Variants in MED12 observed in about 807,000 individuals in gnomAD.
MED12 encodes the protein mediator of RNA polymerase II transcription subunit 12.
Under a neutral mutation model 177.7 loss-of-function variants are expected in MED12, and 10 were observed. That is an observed-to-expected ratio of 0.06 (90% confidence interval 0.03 to 0.10). MED12 has a LOEUF of 0.10. MED12 is among the 10% of genes least tolerant of loss of function. The pLI, the probability that MED12 is intolerant of heterozygous loss-of-function variation, is 1.00. For synonymous variants in MED12, 641 were observed against 678.4 expected, an observed-to-expected ratio of 0.94 and a Z score of 0.86; for missense variants, 867 against 1,780.8, an observed-to-expected ratio of 0.49 and a Z score of 9.23.
intron 28 of MED12, 108 bp downstream of exon 28, chrX:71,130,322 A>G: frequency 1.2e-6 from 1 of 841,679 alleles, no homozygotes. Flanking sequence ...GAGGAAGACA[A>G]ACAAGGATAT....
intron 28 of MED12, among the ~76,000 whole-genome samples, chrX:71,130,864 G>C (rs746269973): frequency 8.9e-6 from 1 of 112,625 alleles, no homozygotes; most frequent in East Asian, 2.8e-4. Flanking sequence ...AGAAGAGATA[G>C]TGTTGAAGAG....
rs1434307707 is a variant in MED12 at position 71,136,885 on chromosome X, G to A, written c.5407G>A (p.Gly1803Arg). The A allele has an allele frequency of 8.3e-7, 1 of 1,209,214 alleles. No homozygotes were observed. ...SQPATKTEDYGMGPGRSGPYG... is the reference protein window; with the variant it reads ...SQPATKTEDYRMGPGRSGPYG... ...TCCTCTGCCACTCACACAGGACTAT[G>A]GAATGGGCCCGGGTCGGAGCGGCCC... The change falls in exon 38 of 45, where the codon GGA becomes AGA. Residue 1803 changes from glycine (G) to arginine (R), a missense_variant. Gly to Arg is a moderately radical substitution (Grantham distance 125, BLOSUM62 -2). Transcript: ENST00000374080.
chrX:71,125,014 T>C lies in MED12; in HGVS notation c.2094T>C (p.Ser698=), dbSNP rs749577436. 3.3e-6 allele frequency: 4 copies of C among 1,210,590 alleles called. No homozygotes were observed. The highest frequency in any genetic ancestry group is 3.4e-6 in the Non-Finnish European group (3 of 894,897). Residue 698 remains serine (S), a synonymous_variant, in exon 15 of 45, where the codon AGT becomes AGC. Transcript: ENST00000374080. ...CTATGCCCTGTGAGGGGAAGGGCAG[T>C]CCATCCCCTGAGAAGCCAGATGTCG... ...SPTMPCEGKG[S]PSPEKPDVEK...
chrX:71,134,691 T>C, intron 34 of MED12, 22 bp from the exon 35 acceptor site: 1 of 1,210,831 alleles, frequency 8.3e-7, no homozygotes, highest in Non-Finnish European at 1.1e-6. Flanking sequence ...TCTTTGGTTT[T>C]CTCTCTGGCT....
Position 71,123,652 on chromosome X carries a change from C to G in MED12, c.1676C>G (p.Ser559Cys). The G allele has an allele frequency of 8.3e-7, 1 of 1,209,677 alleles. No individual in the cohort carries two copies. Among genetic ancestry groups the G allele is most frequent in the Non-Finnish European group, 1.1e-6 (1 of 894,030 alleles). The change falls in exon 12 of 45, where the codon TCT becomes TGT. Residue 559 changes from serine (S) to cysteine (C), a missense_variant. Physicochemically the swap from Ser to Cys is moderately radical, Grantham distance 112. This residue lies in a region of MED12 where 309 missense variants were observed against 556.3 expected (regional missense o/e 0.56). Coordinates refer to ENST00000374080, the MANE Select transcript of MED12 (RefSeq NM_005120.3). ...GGTTCCATCGCCTCTGGCTCCCTTT[C>G]TGCTCCCAGTGCTCCCATTTTCCAG... ...EKGSIASGSL[S>C]APSAPIFQDV...
intron 30 of MED12, 39 bp downstream of exon 30, chrX:71,132,245 T>C: frequency 8.4e-7 from 1 of 1,196,138 alleles, no homozygotes; most frequent in Non-Finnish European, 1.1e-6. Context: ...CCCTTAGGAG[T>C]TTATCTGCTG....
At position 71,125,654 on chromosome X, in the gene MED12, C is replaced by T. The variant is rs758698633; in HGVS notation, c.2372-9C>T. On this transcript the variant is annotated splice_polypyrimidine_tract_variant and intron_variant, in intron 16 of 44. Coordinates refer to ENST00000374080, the MANE Select transcript of MED12 (RefSeq NM_005120.3). ...TTGAAACTTCCCCCCTCATTCCCCC[C>T]CTCTACAGACCAGCTTGCTCCTATT... The T allele has an allele frequency of 2.2e-5, 19 of 855,803 alleles. No individual in the cohort carries two copies. In the South Asian group the frequency reaches 2.8e-4, roughly 13 times the overall value. The allele number at this position is 855,803 out of a possible 1,213,427, so 70.5% of individuals were successfully genotyped here.
rs368144948 is a variant in MED12 at position 71,130,043 on chromosome X, A to T, written c.3876A>T (p.Val1292=). The stretch of plus-strand genomic sequence containing the variant: ...ATTGTCAGCTTCCTCAGGAATGGGT[A>T]GGAGAACGTTGCCTTAAGTCTCTGT... The part of the protein sequence containing the change: ...VLRSICQQEW[V]GERCLKSLCE... The change falls in exon 28 of 45, where the codon GTA becomes GTT. Residue 1292 remains valine, a synonymous_variant. Coordinates refer to ENST00000374080, the MANE Select transcript of MED12 (RefSeq NM_005120.3). The T allele has an allele frequency of 8.3e-7, 1 of 1,208,250 alleles. No homozygotes were observed. The highest frequency in any genetic ancestry group is 1.1e-6 in the Non-Finnish European group (1 of 893,785).
Position 71,132,775 on chromosome X carries a change from CT to C in MED12, c.4416-68del, listed in dbSNP as rs2092321337. 131 of 253,788 alleles carry C rather than the reference CT, an allele frequency of 5.2e-4. No homozygotes were observed. The African/African-American group carries it at 6.2e-3, about 12-fold the overall frequency. 20.9% of individuals were successfully genotyped at this position (253,788 alleles called of 1,213,427 possible). A position where few individuals can be genotyped will look rare whatever the true frequency, so the allele number is the denominator to read the frequency against. ...CTCCTCTCCTCTTCTCTCCTCTTCT[CT>C]TCTCTTCTCTTCTCTTCTCTTCTCT... On this transcript the variant is annotated intron_variant, in intron 31 of 44. Transcript: ENST00000374080.
intron 36 of MED12, among the ~76,000 whole-genome samples, chrX:71,136,023 C>T (rs553859804): frequency 9.2e-6 from 1 of 108,752 alleles, no homozygotes; most frequent in South Asian, 4.1e-4. Context: ...ACACGCCCCC[C>T]GCCCCGTTAG....
chrX:71,142,308 G>A lies in MED12; in HGVS notation c.*90G>A. The A allele has an allele frequency of 5.3e-6, 5 of 946,898 alleles. No homozygotes were observed. Among genetic ancestry groups the A allele is most frequent in the South Asian group, 2.0e-5 (1 of 50,567 alleles). 78.0% of individuals were successfully genotyped at this position (946,898 alleles called of 1,213,427 possible). ...CATTCCTGGGCTAGCACCAGTAGTG[G>A]TTGGGGCCCTCCCCTCAGGCTCCAT... On this transcript the variant is annotated 3_prime_UTR_variant, in exon 45 of 45. Coordinates refer to ENST00000374080, the MANE Select transcript of MED12 (RefSeq NM_005120.3).
intron 12 of MED12, 37 bp downstream of exon 12, chrX:71,123,757 A>C: frequency 2.6e-6 from 3 of 1,158,682 alleles, no homozygotes; most frequent in Non-Finnish European, 3.5e-6. Context: ...ACCTCTGCCT[A>C]GACTCAGTTA....
chrX:71,118,823 T>A lies in MED12; in HGVS notation c.69T>A (p.Asp23Glu). Reference protein sequence around the residue: ...PLKRPRLGPPDVYPQDPKQKE... With the variant: ...PLKRPRLGPPEVYPQDPKQKE... ...AGCGGCCGCGGCTGGGGCCTCCCGA[T>A]GTTTACCCTCAGGACCCCAAACAGA... The change falls in exon 1 of 45, where the codon GAT (aspartate) becomes GAA (glutamate). Residue 23 changes from aspartate (D) to glutamate (E), a missense_variant. Transcript: ENST00000374080. 8.3e-7 allele frequency: 1 copy of A among 1,208,461 alleles called. No homozygotes were observed. The highest frequency in any genetic ancestry group is 1.1e-6 in the Non-Finnish European group (1 of 894,472).
rs749041154 is a variant in MED12, at chrX:71,140,773, A to G, written c.6183A>G (p.Gln2061=). 6.6e-6 allele frequency: 8 copies of G among 1,207,541 alleles called. No homozygotes were observed. Among genetic ancestry groups the G allele is most frequent in the African/African-American group, 5.2e-5 (3 of 57,229 alleles). The change falls in exon 42 of 45, where the codon CAA becomes CAG. Residue 2061 remains glutamine (Q), a synonymous_variant. Transcript: ENST00000374080. Reference sequence around the variant, plus strand: ...AGCAGCAGCAACAGCAGCAACAGCAACAGCAGCAGCAGCAGCAACAGCAAC... The same window carrying G: ...AGCAGCAGCAACAGCAGCAACAGCAGCAGCAGCAGCAGCAGCAACAGCAAC... ...QQQQQQQQQQ[Q]QQQQQQQQQQ...
intron 17 of MED12, 43 bp downstream of exon 17, chrX:71,125,756 T>G: frequency 3.0e-6 from 3 of 1,009,669 alleles, no homozygotes; most frequent in South Asian, 1.9e-5. Flanking sequence ...TCCCTCTCCC[T>G]TCCCTCCCTG....
intron 33 of MED12, 110 bp downstream of exon 33, chrX:71,133,322 C>T: frequency 1.9e-6 from 1 of 527,934 alleles, no homozygotes; most frequent in Non-Finnish European, 3.2e-6. Flanking sequence ...CCAGGTTATT[C>T]TGAGTCTTGA....
chrX:71,136,334 G>A lies in MED12; in HGVS notation c.5079G>A (p.Gly1693=). Residue 1693 remains glycine, a synonymous_variant, in exon 37 of 45, where the codon GGG becomes GGA. Transcript: ENST00000374080. The part of the protein sequence containing the change: ...QKISPWDLFE[G]LKPSAPLSWG... ...TCTCGCCCTGGGATCTTTTTGAGGG[G>A]TTGAAGCCGTCAGCACCACTCTCTT... 8.3e-7 allele frequency: 1 copy of A among 1,211,527 alleles called. No homozygotes were observed. The highest frequency in any genetic ancestry group is 1.1e-6 in the Non-Finnish European group (1 of 895,452).
At chrX:71,135,566 G>C (rs998988307) in intron 36 of MED12, among the ~76,000 whole-genome samples, 1 of 110,609 alleles carries the variant, frequency 9.0e-6, no homozygotes, top group Non-Finnish European at 1.9e-5. Flanking sequence ...CTATCTGGCC[G>C]ACAGCCTGTA....
At chrX:71,131,182 A>G (rs1440099862) in intron 28 of MED12, among the ~76,000 whole-genome samples, 1 of 93,882 alleles carries the variant, frequency 1.1e-5, no homozygotes, top group African/African-American at 4.3e-5. Flanking sequence ...AGGCTGGAGT[A>G]CAGTGGTGCG....
Sources: allele counts gnomAD v4.1 joint callset (sites outside exome capture counted in the v4.1 genomes callset), GRCh38; gene constraint gnomAD v4.1.1; regional missense constraint gnomAD v4.1.1; transcripts MANE v1.5; gene names NCBI Gene and HGNC (gene_info 2026-07-23, HGNC 2026-07-21).